The following STARD13 variants were observed in gnomAD, a reference collection of about 807,000 sequenced individuals.
STARD13 encodes the protein stAR-related lipid transfer protein 13.
A neutral mutation model predicts 106.4 loss-of-function variants in STARD13; 62 were observed. The ratio of observed to expected loss-of-function variants is 0.58; its 90% CI spans 0.48 to 0.72. STARD13 has a LOEUF of 0.72. Ranked by LOEUF, STARD13 falls within the 30% of genes least tolerant of loss-of-function variation. The pLI is 0.00. For synonymous variants in STARD13, 565 were observed against 553.0 expected (o/e 1.02, Z -0.31); for missense variants, 1,387 against 1,424.0 (o/e 0.97, Z 0.42).
chr13:33,124,040 C>T (rs190836510), intron 7 of STARD13, among the ~76,000 whole-genome samples: 5 of 152,294 alleles, frequency 3.3e-5, no homozygotes, highest in East Asian at 3.9e-4. Context: ...AAAGAACATT[C>T]GTTTGGTGTT....
intron 1 of STARD13, among the ~76,000 whole-genome samples, chr13:33,291,308 T>A (rs960063975): frequency 5.9e-5 from 9 of 152,128 alleles, no homozygotes; most frequent in Non-Finnish European, 1.2e-4. Context: ...TGTAAGAATG[T>A]TTTTGTGTAG....
rs5802678 is a variant in STARD13 at position 33,262,662 on chromosome 13, A to AC, written c.169+22807_169+22808insG. Among the ~76,000 whole-genome samples, 160 of 114,982 alleles carry AC rather than the reference A, an allele frequency of 1.4e-3. 1 individual carries two copies. Among genetic ancestry groups the AC allele is most frequent in the African/African-American group, 5.0e-3 (153 of 30,540 alleles). The allele number at this position is 114,982 out of a possible 152,430, so 75.4% of individuals were successfully genotyped here. A position where few individuals can be genotyped will look rare whatever the true frequency, so the allele number is the denominator to read the frequency against. On this transcript the variant is annotated intron_variant, in intron 1 of 13. Coordinates refer to ENST00000336934, the MANE Select transcript of STARD13 (RefSeq NM_178006.4). ...AACCCCCCCCCCCACACACACACAC[A>AC]ACACACACACACACACACACACACA...
At chr13:33,462,603 G>A in the STARD13 span, among the ~76,000 whole-genome samples, 1 of 152,228 alleles carries the variant, frequency 6.6e-6, no homozygotes, top group Non-Finnish European at 1.5e-5. Context: ...GTGGCTGAAA[G>A]CCTGAAAGCC....
the STARD13 span, chr13:33,659,851 T>C: frequency 6.6e-6 from 1 of 152,214 alleles, no homozygotes; most frequent in African/African-American, 2.4e-5. Flanking sequence ...GTGCCATTTA[T>C]GAGAAAATTC....
the STARD13 span, among the ~76,000 whole-genome samples, chr13:33,499,600 CTTCTTTCTTCTTCTTCTT>C: frequency 5.9e-4 from 39 of 65,816 alleles, no homozygotes; most frequent in East Asian, 9.5e-4. Context: ...TCTTCTTCTT[CTTCTTTCTTCTTCTTCTT>C]CTTCTTCTTC....
chr13:33,294,033 G>A (rs1393195023), intron 1 of STARD13, among the ~76,000 whole-genome samples: 1 of 152,162 alleles, frequency 6.6e-6, no homozygotes, highest in Admixed American at 6.5e-5. Flanking sequence ...AAAAGTATAT[G>A]CTTTGACCAT....
chr13:33,544,603 T>G, the STARD13 span, among the ~76,000 whole-genome samples: 1 of 152,228 alleles, frequency 6.6e-6, no homozygotes, highest in South Asian at 2.1e-4. Context: ...CCCTCTCTGC[T>G]CTAGCCTGAA....
the STARD13 span, among the ~76,000 whole-genome samples, chr13:33,463,884 T>C: frequency 0.3 from 45,121 of 150,932 alleles, 7,426 homozygotes; most frequent in Non-Finnish European, 0.39. Flanking sequence ...TGGTGGCGGG[T>C]ACATGTAATC....
intron 1 of STARD13, among the ~76,000 whole-genome samples, chr13:33,338,447 A>G (rs562126394): frequency 1.6e-4 from 25 of 152,320 alleles, no homozygotes; most frequent in Non-Finnish European, 2.9e-4. Flanking sequence ...GGTGATTTTG[A>G]TGATGAAATC....
chr13:33,153,934 C>G (rs1881624116), intron 3 of STARD13, among the ~76,000 whole-genome samples: 1 of 152,164 alleles, frequency 6.6e-6, no homozygotes, highest in Non-Finnish European at 1.5e-5. Context: ...ACCTAAGTCA[C>G]TGAGGATGTG....
intron 1 of STARD13, among the ~76,000 whole-genome samples, chr13:33,290,963 TA>T (rs1892270281): frequency 6.6e-6 from 1 of 152,128 alleles, no homozygotes; most frequent in Non-Finnish European, 1.5e-5. Flanking sequence ...TTAATACCTG[TA>T]AACCACTGTT....
chr13:33,446,347 G>A, the STARD13 span, among the ~76,000 whole-genome samples: 1 of 151,760 alleles, frequency 6.6e-6, no homozygotes, highest in Admixed American at 6.6e-5. Context: ...AGGCCATACT[G>A]ACTCTTAGCT....
intron 1 of STARD13, among the ~76,000 whole-genome samples, chr13:33,254,475 G>A (rs1278254726): frequency 6.6e-6 from 1 of 152,138 alleles, no homozygotes; most frequent in African/African-American, 2.4e-5. Context: ...TGTTGATATG[G>A]GCAGGAGGCA....
chr13:33,179,876 A>G (rs1200107688), intron 1 of STARD13, among the ~76,000 whole-genome samples: 1 of 152,218 alleles, frequency 6.6e-6, no homozygotes, highest in Non-Finnish European at 1.5e-5. Flanking sequence ...TGGTTCTGCC[A>G]TAAACAACCC....
chr13:33,668,300 G>A, the STARD13 span, among the ~76,000 whole-genome samples: 6 of 152,074 alleles, frequency 3.9e-5, no homozygotes, highest in Non-Finnish European at 5.9e-5. Context: ...AGGAAAAATC[G>A]AACTGCTAAA....
At chr13:33,345,704 C>G (rs555981550), downstream of STARD13, among the ~76,000 whole-genome samples, 1 of 152,244 alleles carries the variant, frequency 6.6e-6, no homozygotes, top group East Asian at 1.9e-4. Context: ...AATATAAGTT[C>G]TTCTTTAACA....
the STARD13 span, among the ~76,000 whole-genome samples, chr13:33,469,581 A>G: frequency 2.6e-5 from 4 of 152,198 alleles, no homozygotes; most frequent in Admixed American, 6.5e-5. Context: ...CATTGGGTAC[A>G]TAACTGTGAA....
chr13:33,331,529 T>A (rs1453167772), intron 1 of STARD13, among the ~76,000 whole-genome samples: 1 of 133,770 alleles, frequency 7.5e-6, no homozygotes, highest in Non-Finnish European at 1.6e-5. Flanking sequence ...ATTTTGTATT[T>A]TTTTTTTTTT....
rs192391856 is a variant in STARD13, at chr13:33,119,181, C to T, written c.2083-918G>A. Among the ~76,000 whole-genome samples the T allele has an allele frequency of 2.6e-5, 4 of 152,210 alleles. No homozygotes were observed. The East Asian group carries it at 7.7e-4, about 29-fold the overall frequency. ...GAACTTTCTGTGCTGGACTTACCCGCTATTCAAAAAGGAACTGAACTTTCC... is the reference window on the plus strand; with the variant it reads ...GAACTTTCTGTGCTGGACTTACCCGTTATTCAAAAAGGAACTGAACTTTCC... On this transcript the variant is annotated intron_variant, in intron 7 of 13. Transcript: ENST00000336934.
Sources: allele counts gnomAD v4.1 joint callset (sites outside exome capture counted in the v4.1 genomes callset), GRCh38; gene constraint gnomAD v4.1.1; transcripts MANE v1.5; gene names NCBI Gene and HGNC (gene_info 2026-07-23, HGNC 2026-07-21).